The following FAM222B variants were observed in gnomAD, a reference collection of about 807,000 sequenced individuals.
FAM222B encodes protein FAM222B.
A neutral mutation model predicts 38.0 loss-of-function variants in FAM222B; 12 were observed. The observed-to-expected ratio is 0.32, with a 90% CI of 0.20 to 0.51. The LOEUF (loss-of-function observed/expected upper bound fraction) is 0.51. Ranked by LOEUF, FAM222B falls within the 20% of genes least tolerant of loss-of-function variation. The pLI is 0.97. For missense variants in FAM222B, 716 were observed against 754.2 expected (o/e 0.95, Z 0.59); for synonymous variants, 329 against 317.2 (o/e 1.04, Z -0.40).
In FAM222B at chr17:28,760,475, C is replaced by T. The variant is rs904291541; in HGVS notation, c.83-599G>A. ...CCTGTAATCCCAGCTACTTGGGAGG[C>T]TGAGGCAGGAGGATTAATTGCTTGA... is the stretch of plus-strand genomic sequence containing the variant. On this transcript the variant is annotated intron_variant, in intron 2 of 2. Coordinates refer to ENST00000581407, the MANE Select transcript of FAM222B (RefSeq NM_001077498.3). 1.6e-4 allele frequency among the ~76,000 whole-genome samples: 24 copies of T among 152,050 alleles called. 1 individual carries two copies. Among genetic ancestry groups the T allele is most frequent in the Middle Eastern group, 3.4e-3 (1 of 294 alleles).
At chr17:28,851,896 A>C (rs1054296487) in intron 1 of FAM222B, among the ~76,000 whole-genome samples, 30 of 150,636 alleles carry the variant, frequency 2.0e-4, no homozygotes, top group African/African-American at 6.6e-4. Flanking sequence ...AAAACCAAAA[A>C]CAGAAATTAG....
chr17:28,787,952 G>C (rs1338453495), intron 1 of FAM222B, among the ~76,000 whole-genome samples: 1 of 150,710 alleles, frequency 6.6e-6, no homozygotes, highest in African/African-American at 2.5e-5. Flanking sequence ...AGCCTCCCGA[G>C]TGGCTAGGAT....
chr17:28,790,132 A>G (rs1192416781), intron 1 of FAM222B, among the ~76,000 whole-genome samples: 5 of 152,234 alleles, frequency 3.3e-5, no homozygotes, highest in African/African-American at 1.2e-4. Flanking sequence ...TCTGAGCATC[A>G]AAATAAATAA....
intron 1 of FAM222B, among the ~76,000 whole-genome samples, chr17:28,839,418 G>A (rs896877520): frequency 5.9e-5 from 9 of 152,056 alleles, no homozygotes. Context: ...CTACATAAAA[G>A]TAACCACAAG....
intron 1 of FAM222B, among the ~76,000 whole-genome samples, chr17:28,788,223 A>G (rs191326606): frequency 2.0e-5 from 3 of 152,322 alleles, no homozygotes; most frequent in Admixed American, 1.3e-4. Flanking sequence ...GAGAAATTCA[A>G]AAGTCATTCA....
intron 1 of FAM222B, among the ~76,000 whole-genome samples, chr17:28,819,063 A>G (rs1037300644): frequency 1.3e-5 from 2 of 152,248 alleles, no homozygotes; most frequent in East Asian, 3.8e-4. Context: ...AGCAAATTAT[A>G]ACCAACACAG....
chr17:28,799,594 C>A (rs1259849948), intron 1 of FAM222B, among the ~76,000 whole-genome samples: 3 of 152,122 alleles, frequency 2.0e-5, no homozygotes, highest in Admixed American at 1.3e-4. Context: ...CAGGCGTGAG[C>A]CACCGCGCCC....
intron 1 of FAM222B, among the ~76,000 whole-genome samples, chr17:28,813,979 G>A (rs188105551): frequency 3.4e-4 from 51 of 152,016 alleles, no homozygotes; most frequent in Non-Finnish European, 7.4e-5. Flanking sequence ...GGAGGCCAAC[G>A]TGGGCAGATC....
chr17:28,769,439 C>T (rs1284666822), intron 1 of FAM222B, among the ~76,000 whole-genome samples: 3 of 152,096 alleles, frequency 2.0e-5, no homozygotes, highest in African/African-American at 7.2e-5. Context: ...CCTCGGCCTC[C>T]CAAAGTGCTG....
intron 1 of FAM222B, among the ~76,000 whole-genome samples, chr17:28,835,656 A>C (rs1198627950): frequency 6.6e-6 from 1 of 152,132 alleles, no homozygotes; most frequent in Non-Finnish European, 1.5e-5. Flanking sequence ...CTTTTAAACA[A>C]AACAGTTTTT....
chr17:28,809,034 C>T (rs1283234112), intron 1 of FAM222B, among the ~76,000 whole-genome samples: 1 of 152,064 alleles, frequency 6.6e-6, no homozygotes, highest in Non-Finnish European at 1.5e-5. Context: ...TTTTTCTTAA[C>T]ACATTCCAAG....
At chr17:28,806,797 C>G (rs1750325774) in intron 1 of FAM222B, among the ~76,000 whole-genome samples, 1 of 151,952 alleles carries the variant, frequency 6.6e-6, no homozygotes, top group South Asian at 2.1e-4. Flanking sequence ...AAATAGGGTT[C>G]CTGAAATTTC....
chr17:28,854,394 G>C (rs1420919174), intron 1 of FAM222B, among the ~76,000 whole-genome samples: 1 of 151,896 alleles, frequency 6.6e-6, no homozygotes. Flanking sequence ...CAAACCCTCT[G>C]GTTGTTCTCC....
At chr17:28,801,465 A>G (rs9913609) in intron 1 of FAM222B, among the ~76,000 whole-genome samples, 118 of 151,906 alleles carry the variant, frequency 7.8e-4, no homozygotes, top group African/African-American at 2.7e-3. Flanking sequence ...AAAAAAAAAA[A>G]AAAAAGAAAA....
rs752443903 is a variant in FAM222B at position 28,790,915 on chromosome 17, T to TTTTTTA, written c.-40-24209_-40-24208insTAAAAA. ...TTTTTTTTTTTTTTTTTTTTTTTTT[T>TTTTTTA]AGAGACAGAATCTTGCTCTGTTGCC... On this transcript the variant is annotated intron_variant, in intron 1 of 2. Transcript: ENST00000581407. 1.0e-3 allele frequency among the ~76,000 whole-genome samples: 126 copies of TTTTTTA among 121,074 alleles called. 3 individuals are homozygous for TTTTTTA. Among genetic ancestry groups the TTTTTTA allele is most frequent in the African/African-American group, 2.2e-3 (69 of 30,854 alleles). 79.4% of individuals were successfully genotyped at this position (121,074 alleles called of 152,430 possible).
upstream of FAM222B, among the ~76,000 whole-genome samples, chr17:28,845,440 G>A (rs1239254226): frequency 4.7e-5 from 7 of 149,668 alleles, no homozygotes; most frequent in East Asian, 6.0e-4. Context: ...TTGGCTGGGC[G>A]TGGTGGTGGG....
chr17:28,845,021 T>G (rs755735303), upstream of FAM222B, among the ~76,000 whole-genome samples: 6 of 151,624 alleles, frequency 4.0e-5, no homozygotes, highest in Non-Finnish European at 8.8e-5. Flanking sequence ...GAAAATCGCT[T>G]GAACCCAGGA....
intron 1 of FAM222B, among the ~76,000 whole-genome samples, chr17:28,772,671 C>G (rs1210255797): frequency 6.6e-6 from 1 of 151,456 alleles, no homozygotes; most frequent in Non-Finnish European, 1.5e-5. Flanking sequence ...CCAAGGTGGG[C>G]AGATCACAAG....
chr17:28,803,657 T>C (rs1194744254), intron 1 of FAM222B, among the ~76,000 whole-genome samples: 6 of 152,026 alleles, frequency 3.9e-5, no homozygotes, highest in South Asian at 2.1e-4. Context: ...ATTATTTACA[T>C]ATACTATGGG....
Sources: allele counts gnomAD v4.1 joint callset (sites outside exome capture counted in the v4.1 genomes callset), GRCh38; gene constraint gnomAD v4.1.1; transcripts MANE v1.5; gene names NCBI Gene and HGNC (gene_info 2026-07-23, HGNC 2026-07-21).